Variants in NF1 observed in about 807,000 individuals in gnomAD.
NF1 encodes neurofibromin 1.
A neutral mutation model predicts 325.7 loss-of-function variants in NF1; 122 were observed. That is an observed-to-expected ratio of 0.37 (90% CI 0.32 to 0.44). The LOEUF is 0.44. Among genes scored for constraint, NF1 ranks in the 20% least tolerant of loss-of-function variants. The pLI is 1.00. For synonymous variants in NF1, 1,091 were observed against 1,186.0 expected (o/e 0.92, Z 1.65); for missense variants, 2,140 against 3,415.4 (o/e 0.63, Z 9.31).
chr17:31,317,622 A>G (rs919025814), intron 36 of NF1: 1 of 152,152 alleles, frequency 6.6e-6, no homozygotes, highest in Non-Finnish European at 1.5e-5. Flanking sequence ...GATCTTTACA[A>G]TGTGTTCTCT....
chr17:31,164,666 T>C (rs150172719), intron 4 of NF1, among the ~76,000 whole-genome samples: 1 of 152,326 alleles, frequency 6.6e-6, no homozygotes, highest in African/African-American at 2.4e-5. Flanking sequence ...CATCACCATT[T>C]GAGAATTTGT....
intron 1 of NF1, among the ~76,000 whole-genome samples, chr17:31,117,692 A>AAAAAAAAAAAAAAAAAAG: frequency 6.7e-6 from 1 of 149,556 alleles, no homozygotes; most frequent in Non-Finnish European, 1.5e-5. Flanking sequence ...AAAAAAAAAA[A>AAAAAAAAAAAAAAAAAAG]AAAAAAAAAA....
intron 1 of NF1, among the ~76,000 whole-genome samples, chr17:31,155,051 A>G (rs1346005802): frequency 1.3e-5 from 2 of 152,116 alleles, no homozygotes; most frequent in African/African-American, 4.8e-5. Flanking sequence ...TTTACTATCA[A>G]AATAATCGTC....
At chr17:31,180,429 G>A (rs2066107105) in intron 5 of NF1, among the ~76,000 whole-genome samples, 1 of 152,172 alleles carries the variant, frequency 6.6e-6, no homozygotes, top group Admixed American at 6.5e-5. Context: ...GGGATGCAAG[G>A]CTGGTTTCAA....
chr17:31,278,163 C>T (rs2068043013), intron 36 of NF1: 1 of 152,180 alleles, frequency 6.6e-6, no homozygotes, highest in African/African-American at 2.4e-5. Flanking sequence ...TCTTTATATA[C>T]TTACATTACT....
At chr17:31,147,652 C>A (rs767777957) in intron 1 of NF1, among the ~76,000 whole-genome samples, 11 of 152,122 alleles carry the variant, frequency 7.2e-5, no homozygotes, top group Non-Finnish European at 1.3e-4. Context: ...CTACTAGTAG[C>A]TCCTAAGATT....
At chr17:31,344,787 A>G (rs1398192720) in intron 48 of NF1, among the ~76,000 whole-genome samples, 2 of 152,250 alleles carry the variant, frequency 1.3e-5, no homozygotes, top group African/African-American at 4.8e-5. Context: ...CTAAAAGAAT[A>G]CCAGGCTGGG....
At position 31,377,371 on chromosome 17, in the gene NF1, G is replaced by A. The variant is rs1036339128; in HGVS notation, c.*3216G>A. On this transcript the variant is annotated 3_prime_UTR_variant, in exon 58 of 58. Transcript: ENST00000358273. ...GTTAGTATTGTTAACTTCTTTTTGC[G>A]ACTGCGTTACATCATTTAAAGAAAA... is the stretch of plus-strand genomic sequence containing the variant. The A allele has an allele frequency of 8.6e-5, 20 of 233,188 alleles. No homozygotes were observed. Among genetic ancestry groups the A allele is most frequent in the African/African-American group, 3.8e-4 (17 of 45,274 alleles). The allele number at this position is 233,188 out of a possible 1,614,324, so 14.4% of individuals were successfully genotyped here.
intron 11 of NF1, 37 bp from the exon 12 acceptor site, chr17:31,206,203 G>A (rs2143912855): frequency 6.2e-7 from 1 of 1,612,108 alleles, no homozygotes; most frequent in Non-Finnish European, 8.5e-7. Flanking sequence ...ACGTAATTTT[G>A]TACTTTTTCT....
chr17:31,287,899 G>A (rs1297226385), intron 36 of NF1, among the ~76,000 whole-genome samples: 1 of 141,796 alleles, frequency 7.1e-6, no homozygotes, highest in African/African-American at 2.6e-5. Context: ...CATGGACACA[G>A]GAAGGGGAAC....
At chr17:31,179,816 G>A (rs1240884724) in intron 5 of NF1, among the ~76,000 whole-genome samples, 1 of 151,830 alleles carries the variant, frequency 6.6e-6, no homozygotes, top group East Asian at 1.9e-4. Flanking sequence ...CCAGGAGCTG[G>A]TTTTTTGAAA....
At chr17:31,143,255 TCACA>T (rs1006113297) in intron 1 of NF1, among the ~76,000 whole-genome samples, 3 of 150,588 alleles carry the variant, frequency 2.0e-5, no homozygotes, top group Admixed American at 1.3e-4. Flanking sequence ...ACACACACAC[TCACA>T]CACACACACG....
At chr17:31,098,141 AATTT>A (rs1256384642) in intron 1 of NF1, among the ~76,000 whole-genome samples, 2 of 148,312 alleles carry the variant, frequency 1.3e-5, no homozygotes, top group Non-Finnish European at 3.0e-5. Context: ...TTAATATATT[AATTT>A]ATTATATAAG....
In NF1 at chr17:31,232,043, ATTTT is replaced by A. The variant is rs371047262; in HGVS notation, c.3198-7_3198-4del. 5.3e-4 allele frequency: 314 copies of A among 589,162 alleles called. 1 individual carries two copies. Among genetic ancestry groups the A allele is most frequent in the African/African-American group, 1.8e-3 (58 of 32,582 alleles). 36.5% of individuals were successfully genotyped at this position (589,162 alleles called of 1,614,324 possible). ...AACTTGAAAGATTCATGGTCTCTAAATTTTTTTTTTTTTTTTTTTTTTTTTTCAG... is the reference window on the plus strand; with the variant it reads ...AACTTGAAAGATTCATGGTCTCTAAATTTTTTTTTTTTTTTTTTTTTTCAG... On this transcript the variant is annotated intron_variant, in intron 24 of 57. Coordinates refer to ENST00000358273, the MANE Select transcript of NF1 (RefSeq NM_001042492.3).
chr17:31,150,869 T>C (rs1229972901), intron 1 of NF1, among the ~76,000 whole-genome samples: 2 of 151,904 alleles, frequency 1.3e-5, no homozygotes, highest in Non-Finnish European at 2.9e-5. Context: ...CCGTCTCTAC[T>C]AAAAATACAA....
At chr17:31,328,911 C>T (rs2069413059) in intron 38 of NF1, among the ~76,000 whole-genome samples, 1 of 152,130 alleles carries the variant, frequency 6.6e-6, no homozygotes, top group African/African-American at 2.4e-5. Flanking sequence ...GTCTGTGACA[C>T]CTGTCCTGGG....
At chr17:31,273,314 T>C (rs1597763517) in intron 36 of NF1, among the ~76,000 whole-genome samples, 1 of 152,040 alleles carries the variant, frequency 6.6e-6, no homozygotes, top group Non-Finnish European at 1.5e-5. Context: ...TTTTCTTCAT[T>C]AACAACAACA....
At chr17:31,235,573 G>T (rs775325212) in intron 27 of NF1, 38 bp from the exon 28 acceptor site, 1 of 1,611,830 alleles carries the variant, frequency 6.2e-7, no homozygotes, top group Non-Finnish European at 8.5e-7. Flanking sequence ...AATAAAAATG[G>T]GATTGTTTGC....
chr17:31,267,954 T>G (rs2067820918), intron 36 of NF1, among the ~76,000 whole-genome samples: 1 of 152,232 alleles, frequency 6.6e-6, no homozygotes, highest in African/African-American at 2.4e-5. Context: ...TTAGTTAGGC[T>G]TTTATTGCAA....
Sources: allele counts gnomAD v4.1 joint callset (sites outside exome capture counted in the v4.1 genomes callset), GRCh38; gene constraint gnomAD v4.1.1; transcripts MANE v1.5; gene names NCBI Gene and HGNC (gene_info 2026-07-23, HGNC 2026-07-21).